Variants in MDFIC observed in about 807,000 individuals in gnomAD.
MDFIC encodes myoD family inhibitor domain-containing protein.
In MDFIC, 17 loss-of-function variants were observed where a neutral mutation model predicts 23.2. That is an observed-to-expected ratio of 0.73 (90% CI 0.50 to 1.10). The LOEUF (loss-of-function observed/expected upper bound fraction) is 1.10, where lower values mean the gene tolerates loss of function less well. MDFIC is among the 50% of genes least tolerant of loss of function. The probability of loss-of-function intolerance (pLI) is 0.00; values close to 1 mark genes in which losing one functional copy is unlikely to be tolerated. For missense variants in MDFIC, 356 were observed against 316.6 expected (o/e 1.12, Z -0.95); for synonymous variants, 120 against 115.2 (o/e 1.04, Z -0.27).
intron 4 of MDFIC, chr7:115,014,419 C>T (rs1193810147): frequency 7.8e-7 from 1 of 1,289,280 alleles, no homozygotes; most frequent in East Asian, 5.6e-5. Context: ...AGCATGGCTG[C>T]CAAGCAACAA....
At chr7:114,957,772 A>G (rs1348685441) in intron 3 of MDFIC, among the ~76,000 whole-genome samples, 1 of 152,222 alleles carries the variant, frequency 6.6e-6, no homozygotes, top group Non-Finnish European at 1.5e-5. Flanking sequence ...TTCTTACTGT[A>G]TAAAAGTTCA....
chr7:114,986,863 C>A lies in MDFIC; in HGVS notation c.493+7082C>A, dbSNP rs558881378. On this transcript the variant is annotated intron_variant, in intron 4 of 4. Transcript: ENST00000393486. ...CTACCTTTCTGTATTAAAATGTAAT[C>A]TCACTGAAAGCAGAGTCTGTCTTAC... Among the ~76,000 whole-genome samples the A allele has an allele frequency of 2.0e-5, 3 of 152,292 alleles. No homozygotes were observed. The South Asian group carries it at 6.2e-4, about 32-fold the overall frequency.
At chr7:114,972,062 C>A (rs1453740951) in intron 3 of MDFIC, among the ~76,000 whole-genome samples, 1 of 152,030 alleles carries the variant, frequency 6.6e-6, no homozygotes, top group Admixed American at 6.6e-5. Context: ...GGCTGGGAAG[C>A]TAGGCCTCCC....
chr7:115,003,048 A>G (rs1054474782), intron 4 of MDFIC, among the ~76,000 whole-genome samples: 3 of 152,128 alleles, frequency 2.0e-5, no homozygotes, highest in African/African-American at 7.2e-5. Context: ...TAGCCCTAAC[A>G]CATCGCCAAA....
intron 1 of MDFIC, 35 bp downstream of exon 1, chr7:114,922,671 G>T: frequency 7.5e-7 from 1 of 1,341,082 alleles, no homozygotes; most frequent in Non-Finnish European, 9.6e-7. Context: ...AAGAGGAGGG[G>T]TTTGATCCCC....
Position 115,016,129 on chromosome 7 carries a change from TTAAC to T in MDFIC, c.*197_*200del, listed in dbSNP as rs1791790411. On this transcript the variant is annotated 3_prime_UTR_variant, in exon 5 of 5. Coordinates refer to ENST00000393486, the MANE Select transcript of MDFIC (RefSeq NM_001166345.3). The stretch of plus-strand genomic sequence containing the variant: ...TTTAATATGTGAAATTTTAACTACT[TTAAC>T]TAGTTTTATAAATTTCTTAATATGT... The T allele has an allele frequency of 9.0e-6, 5 of 555,436 alleles. No individual in the cohort carries two copies. The highest frequency in any genetic ancestry group is 4.8e-4 in the Middle Eastern group (1 of 2,074). The allele number at this position is 555,436 out of a possible 1,614,324, so 34.4% of individuals were successfully genotyped here.
chr7:114,972,665 G>C (rs1292840609), intron 3 of MDFIC, among the ~76,000 whole-genome samples: 1 of 151,962 alleles, frequency 6.6e-6, no homozygotes, highest in Non-Finnish European at 1.5e-5. Context: ...ATCTCCGTCT[G>C]TCACTCAGGC....
At chr7:114,993,924 G>C (rs1207367468) in intron 4 of MDFIC, among the ~76,000 whole-genome samples, 1 of 152,144 alleles carries the variant, frequency 6.6e-6, no homozygotes, top group African/African-American at 2.4e-5. Context: ...CTGTCTCGTT[G>C]ATCTGTCTAA....
At chr7:114,961,806 C>G (rs1792997759) in intron 3 of MDFIC, among the ~76,000 whole-genome samples, 1 of 152,108 alleles carries the variant, frequency 6.6e-6, no homozygotes, top group African/African-American at 2.4e-5. Flanking sequence ...CCCCATGATC[C>G]TATCACCTCC....
In MDFIC at chr7:114,922,532, C is replaced by T; in HGVS notation, c.-212C>T. Reference sequence around the variant, plus strand: ...GCGGCCGCCGCCGTCGTCAGGCCACCGGGGCGAAAATGCGGCCGCTGCCGG... The same window carrying T: ...GCGGCCGCCGCCGTCGTCAGGCCACTGGGGCGAAAATGCGGCCGCTGCCGG... On this transcript the variant is annotated 5_prime_UTR_variant, in exon 1 of 5. Coordinates refer to ENST00000393486, the MANE Select transcript of MDFIC (RefSeq NM_001166345.3). The T allele has an allele frequency of 7.9e-7, 1 of 1,265,396 alleles. No homozygotes were observed. The highest frequency in any genetic ancestry group is 1.0e-6 in the Non-Finnish European group (1 of 999,206). 78.4% of individuals were successfully genotyped at this position (1,265,396 alleles called of 1,614,324 possible). A position where few individuals can be genotyped will look rare whatever the true frequency, so the allele number is the denominator to read the frequency against.
chr7:114,982,443 A>C (rs1793434231), intron 4 of MDFIC, among the ~76,000 whole-genome samples: 1 of 152,088 alleles, frequency 6.6e-6, no homozygotes, highest in Admixed American at 6.6e-5. Context: ...TAATCCCAGC[A>C]GTTTGAGAGG....
chr7:114,958,263 G>A (rs1453089478), intron 3 of MDFIC, among the ~76,000 whole-genome samples: 2 of 152,160 alleles, frequency 1.3e-5, no homozygotes, highest in Non-Finnish European at 2.9e-5. Flanking sequence ...TAGTGTTTCT[G>A]TGGAAACTAA....
chr7:114,923,388 CTTCT>C, intron 2 of MDFIC: 1 of 1,434,648 alleles, frequency 7.0e-7, no homozygotes, highest in Non-Finnish European at 9.5e-7. Flanking sequence ...GACAGGATTG[CTTCT>C]TTCTTAAGCA....
intron 2 of MDFIC, among the ~76,000 whole-genome samples, chr7:114,932,315 G>C (rs1383927415): frequency 2.6e-5 from 4 of 152,166 alleles, no homozygotes; most frequent in African/African-American, 9.7e-5. Context: ...GGTAGTGGGT[G>C]TGGAAAAGAA....
At chr7:114,928,307 G>GA (rs370495401) in intron 2 of MDFIC, among the ~76,000 whole-genome samples, 238 of 148,604 alleles carry the variant, frequency 1.6e-3, no homozygotes, top group Admixed American at 1.9e-3. Flanking sequence ...TAAGAACTGT[G>GA]AAAAAAAAAA....
At position 114,955,520 on chromosome 7, in the gene MDFIC, T is replaced by C. The variant is rs143207723; in HGVS notation, c.217+13123T>C. Among the ~76,000 whole-genome samples, 238 of 152,338 alleles carry C rather than the reference T, an allele frequency of 1.6e-3. 2 individuals carry two copies. Among genetic ancestry groups the C allele is most frequent in the Middle Eastern group, 3.4e-3 (1 of 294 alleles). On this transcript the variant is annotated intron_variant, in intron 3 of 4. Transcript: ENST00000393486. ...TGTTTATGACCCTCTTCTCCATTAC[T>C]GGACTGAAGGTTCCTTAAGGGTAAG...
chr7:114,938,017 G>A (rs1198411778), intron 2 of MDFIC, among the ~76,000 whole-genome samples: 2 of 152,050 alleles, frequency 1.3e-5, no homozygotes, highest in South Asian at 2.1e-4. Flanking sequence ...GTGCAGTGGC[G>A]TGATCTTGGC....
chr7:115,014,748 A>G (rs1791759920), intron 4 of MDFIC, among the ~76,000 whole-genome samples: 1 of 152,212 alleles, frequency 6.6e-6, no homozygotes, highest in Admixed American at 6.5e-5. Context: ...TGTTAAAGTT[A>G]TCTAGAAATA....
intron 3 of MDFIC, among the ~76,000 whole-genome samples, chr7:114,974,304 T>C (rs1435325593): frequency 2.6e-5 from 4 of 152,048 alleles, no homozygotes; most frequent in Non-Finnish European, 4.4e-5. Flanking sequence ...ATATTATATA[T>C]ATATATATCT....
Sources: gnomAD v4.1 joint callset for allele counts (sites outside exome capture counted in the v4.1 genomes callset) on GRCh38, gnomAD v4.1.1 for gene constraint, MANE v1.5 for transcripts, NCBI Gene and HGNC (gene_info 2026-07-23, HGNC 2026-07-21) for gene names.